NDOR1: variants seen among roughly 807,000 people sequenced by gnomAD.
NDOR1 encodes the protein NADPH-dependent diflavin oxidoreductase 1.
NDOR1 carries 61 observed loss-of-function variants against 67.2 expected under a neutral mutation model. That is an observed-to-expected ratio of 0.91 (90% CI 0.74 to 1.12). The LOEUF is 1.12. Ranked by LOEUF, NDOR1 falls within the 50% of genes most tolerant of loss-of-function variation. The pLI, the probability that NDOR1 is intolerant of heterozygous loss-of-function variation, is 0.00. For synonymous variants in NDOR1, 378 were observed against 343.7 expected (o/e 1.10, Z -1.10); for missense variants, 878 against 802.8 (o/e 1.09, Z -1.13).
intron 2 of NDOR1, among the ~76,000 whole-genome samples, chr9:137,207,714 G>A (rs925804474): frequency 2.6e-5 from 4 of 152,224 alleles, no homozygotes; most frequent in African/African-American, 7.2e-5. Context: ...TAAAGCCTGA[G>A]AGGGATCCAT....
In NDOR1 at chr9:137,206,425, G is replaced by A. The variant is rs1171522958; in HGVS notation, c.213+116G>A. ...TCCTTTATCTCATGCACCTTCAGAG[G>A]TGGATTTGAGAGAACGTCCGTGAGT... is the stretch of plus-strand genomic sequence containing the variant. On this transcript the variant is annotated intron_variant, in intron 2 of 13. Transcript: ENST00000684003. 10 of 1,113,798 alleles carry A rather than the reference G, an allele frequency of 9.0e-6. No individual in the cohort carries two copies. The East Asian group carries it at 2.4e-4, about 26-fold the overall frequency. 69.0% of individuals were successfully genotyped at this position (1,113,798 alleles called of 1,614,324 possible).
At chr9:137,208,708 C>T (rs931958573) in intron 2 of NDOR1, among the ~76,000 whole-genome samples, 1 of 151,734 alleles carries the variant, frequency 6.6e-6, no homozygotes, top group Non-Finnish European at 1.5e-5. Context: ...CCTGTGATCA[C>T]AGTTACTCCA....
chr9:137,218,319 C>T lies in NDOR1; in HGVS notation c.*1903C>T. 2.5e-6 allele frequency: 1 copy of T among 398,336 alleles called. No individual in the cohort carries two copies. Among genetic ancestry groups the T allele is most frequent in the Non-Finnish European group, 4.4e-6 (1 of 225,844 alleles). The allele number at this position is 398,336 out of a possible 1,614,324, so 24.7% of individuals were successfully genotyped here. ...TCACGCCAGCCCCGCCGAGAGGCCCCTGCATCCTATCACCGCAACCCTGGG... is the reference window on the plus strand; with the variant it reads ...TCACGCCAGCCCCGCCGAGAGGCCCTTGCATCCTATCACCGCAACCCTGGG... On this transcript the variant is annotated 3_prime_UTR_variant, in exon 14 of 14. Transcript: ENST00000684003.
intron 3 of NDOR1, 83 bp from the exon 4 acceptor site, chr9:137,213,697 C>T (rs1835371921): frequency 1.5e-6 from 2 of 1,373,896 alleles, no homozygotes; most frequent in Non-Finnish European, 1.0e-6. Flanking sequence ...TTCGCCCGGG[C>T]TCCACTCTCC....
At chr9:137,210,762 G>A (rs965390310) in intron 2 of NDOR1, among the ~76,000 whole-genome samples, 17 of 150,770 alleles carry the variant, frequency 1.1e-4, no homozygotes, top group Middle Eastern at 3.2e-3. Context: ...TTGGAGGATC[G>A]CTTGAGCCCA....
At position 137,217,938 on chromosome 9, in the gene NDOR1, T is replaced by C. The variant is rs1051433671; in HGVS notation, c.*1522T>C. 1.0e-5 allele frequency: 4 copies of C among 398,448 alleles called. No homozygotes were observed. The highest frequency in any genetic ancestry group is 4.1e-5 in the African/African-American group (2 of 48,596). The allele number at this position is 398,448 out of a possible 1,614,324, so 24.7% of individuals were successfully genotyped here. A position where few individuals can be genotyped will look rare whatever the true frequency, so the allele number is the denominator to read the frequency against. On this transcript the variant is annotated 3_prime_UTR_variant, in exon 14 of 14. Transcript: ENST00000684003. Reference sequence around the variant, plus strand: ...GCACCAGCAAGCAAAGGGGATGACCTTGGGCACCCCCAAGGTGCTGAGACT... The same window carrying C: ...GCACCAGCAAGCAAAGGGGATGACCCTGGGCACCCCCAAGGTGCTGAGACT...
intron 4 of NDOR1, 22 bp downstream of exon 4, chr9:137,213,900 C>G: frequency 6.2e-7 from 1 of 1,602,480 alleles, no homozygotes; most frequent in Non-Finnish European, 8.5e-7. Context: ...GGCGTGGTAC[C>G]CGCCTCCACA....
chr9:137,214,338 AC>A lies in NDOR1; in HGVS notation c.649del (p.Gln217ArgfsTer14). ...CCCTTCCTAGCACCCATGATCTCCA[AC>A]CAGAGAGTCACCGGCCCCTCCCACT... The part of the protein sequence containing the change: ...SKPFLAPMIS[N>X]QRVTGPSHFQ... On this transcript the variant is annotated frameshift_variant, in exon 6 of 14. Transcript: ENST00000684003. LOFTEE classifies it high-confidence loss of function. 6.2e-7 allele frequency: 1 copy of A among 1,614,076 alleles called. No individual in the cohort carries two copies. The highest frequency in any genetic ancestry group is 2.2e-5 in the East Asian group (1 of 44,870).
rs537593354 is a variant in NDOR1, at chr9:137,212,080, A to G, written c.214-422A>G. Among the ~76,000 whole-genome samples the G allele has an allele frequency of 1.3e-5, 2 of 152,026 alleles. No individual in the cohort carries two copies. Among genetic ancestry groups the G allele is most frequent in the African/African-American group, 2.4e-5 (1 of 41,474 alleles). On this transcript the variant is annotated intron_variant, in intron 2 of 13. Transcript: ENST00000684003. The surrounding 1 kb of genome is among the most constrained non-coding windows in gnomAD (Gnocchi z 4.3). ...GTATAGGAGCCTCTGGGACAGACCAACTCAGGGAGTGGAGGCCCACGCTCT... is the reference window on the plus strand; with the variant it reads ...GTATAGGAGCCTCTGGGACAGACCAGCTCAGGGAGTGGAGGCCCACGCTCT...
At position 137,216,431 on chromosome 9, in the gene NDOR1, C is replaced by T. The variant is rs553804025; in HGVS notation, c.*15C>T. 1.2e-4 allele frequency: 191 copies of T among 1,589,506 alleles called. 1 individual carries two copies. The South Asian group carries it at 1.5e-3, about 12-fold the overall frequency. On this transcript the variant is annotated 3_prime_UTR_variant, in exon 14 of 14. Transcript: ENST00000684003. The stretch of plus-strand genomic sequence containing the variant: ...CGTGGGCCTGAGGCCCGCGGCTGCC[C>T]GTGCCCCCTCTGACAGCCATCCTCC...
chr9:137,218,379 G>A lies in NDOR1; in HGVS notation c.*1963G>A, dbSNP rs918714146. On this transcript the variant is annotated 3_prime_UTR_variant, in exon 14 of 14. Transcript: ENST00000684003. ...TCCCTGGAGCACCGCTACCAGCTGC[G>A]CTTCCTGGCAGGGCCCGTGGGCGGC... 1.0e-5 allele frequency: 4 copies of A among 398,232 alleles called. No individual in the cohort carries two copies. The allele number at this position is 398,232 out of a possible 1,614,324, so 24.7% of individuals were successfully genotyped here.
chr9:137,213,533 T>A (rs957126306), intron 3 of NDOR1, among the ~76,000 whole-genome samples: 1 of 152,120 alleles, frequency 6.6e-6, no homozygotes, highest in Non-Finnish European at 1.5e-5. Flanking sequence ...CCACACAGGC[T>A]CATTCTCTGC....
Position 137,212,632 on chromosome 9 carries a change from A to G in NDOR1, c.311+33A>G, listed in dbSNP as rs1427116277. The G allele has an allele frequency of 6.3e-7, 1 of 1,585,200 alleles. No homozygotes were observed. The highest frequency in any genetic ancestry group is 1.1e-5 in the South Asian group (1 of 90,508). On this transcript the variant is annotated intron_variant, in intron 3 of 13. Transcript: ENST00000684003. The surrounding 1 kb of genome is among the most constrained non-coding windows in gnomAD (Gnocchi z 4.3). ...GGGGATGGGACAGTGGGCGGACGGA[A>G]CAGTTCTGGGGGTCGAGCAACAGGT...
intron 3 of NDOR1, 32 bp from the exon 4 acceptor site, chr9:137,213,748 C>A (rs1835376633): frequency 6.2e-7 from 1 of 1,601,578 alleles, no homozygotes; most frequent in South Asian, 1.1e-5. Flanking sequence ...CGCCCGGGCT[C>A]CAGCCCAGGA....
chr9:137,216,680 T>G lies in NDOR1; in HGVS notation c.*264T>G. 1.9e-6 allele frequency: 1 copy of G among 516,816 alleles called. No individual in the cohort carries two copies. Among genetic ancestry groups the G allele is most frequent in the Non-Finnish European group, 3.5e-6 (1 of 286,362 alleles). 32.0% of individuals were successfully genotyped at this position (516,816 alleles called of 1,614,324 possible). A position where few individuals can be genotyped will look rare whatever the true frequency, so the allele number is the denominator to read the frequency against. ...CTGTGTCCTCGTCCCCCCACCCCCT[T>G]CCCAGTCAAGGTGGTGGCCTGGGCC... On this transcript the variant is annotated 3_prime_UTR_variant, in exon 14 of 14. Transcript: ENST00000684003.
At position 137,217,483 on chromosome 9, in the gene NDOR1, G is replaced by A. The variant is rs1036412952; in HGVS notation, c.*1067G>A. On this transcript the variant is annotated 3_prime_UTR_variant, in exon 14 of 14. Transcript: ENST00000684003. ...AAGGAAAGTCCTGTTGGAGGAGTTC[G>A]GTGGCTGTTCACACCCGCCTCGCTG... 36 of 152,962 alleles carry A rather than the reference G, an allele frequency of 2.4e-4. No individual in the cohort carries two copies. The highest frequency in any genetic ancestry group is 4.8e-4 in the African/African-American group (20 of 41,582). 9.5% of individuals were successfully genotyped at this position (152,962 alleles called of 1,614,324 possible). A position where few individuals can be genotyped will look rare whatever the true frequency, so the allele number is the denominator to read the frequency against.
Position 137,213,809 on chromosome 9 carries a change from G to T in NDOR1, c.341G>T (p.Arg114Leu). The change falls in exon 4 of 14, where the codon CGA becomes CTA. Residue 114 changes from arginine (R) to leucine (L), a missense_variant. Physicochemically the swap from Arg to Leu is moderately radical, Grantham distance 102 (BLOSUM62 -2). Transcript: ENST00000684003. ...KFNFVAKKLH[R>L]RLLQLGGSAL... ...AACTTCGTGGCCAAGAAGCTGCACCGACGGCTACTGCAGCTTGGGGGCAGC... is the reference window on the plus strand; with the variant it reads ...AACTTCGTGGCCAAGAAGCTGCACCTACGGCTACTGCAGCTTGGGGGCAGC... 6.2e-7 allele frequency: 1 copy of T among 1,612,656 alleles called. No individual in the cohort carries two copies.
At chr9:137,209,908 A>G (rs1454946609) in intron 2 of NDOR1, among the ~76,000 whole-genome samples, 1 of 152,258 alleles carries the variant, frequency 6.6e-6, no homozygotes, top group Non-Finnish European at 1.5e-5. Flanking sequence ...CCTGGCCAAC[A>G]TGACGAAACC....
In NDOR1 at chr9:137,213,764, C is replaced by T. The variant is rs370353548; in HGVS notation, c.312-16C>T. 2 of 1,611,694 alleles carry T rather than the reference C, an allele frequency of 1.2e-6. No individual in the cohort carries two copies. ...GCCCGGGCTCCAGCCCAGGACCAGC[C>T]TCACTGTCTCCACAGGTTCAACTTC... On this transcript the variant is annotated splice_polypyrimidine_tract_variant and intron_variant, in intron 3 of 13. Transcript: ENST00000684003.
Sources: allele counts gnomAD v4.1 joint callset (sites outside exome capture counted in the v4.1 genomes callset), GRCh38; gene constraint gnomAD v4.1.1; non-coding constraint Gnocchi (gnomAD v3.1); transcripts MANE v1.5; gene names NCBI Gene and HGNC (gene_info 2026-07-23, HGNC 2026-07-21).